SCIN: variants seen among roughly 807,000 people sequenced by gnomAD.
The protein encoded by SCIN is adseverin.
In SCIN, 91 loss-of-function variants were observed where a neutral mutation model predicts 91.8. The ratio of observed to expected loss-of-function variants is 0.99; its 90% CI spans 0.84 to 1.18. The LOEUF (loss-of-function observed/expected upper bound fraction) is 1.18. SCIN is among the 50% of genes most tolerant of loss of function. SCIN has a pLI of 0.00. For synonymous variants in SCIN, 367 were observed against 312.6 expected (o/e 1.17, Z -1.84); for missense variants, 1,087 against 863.9 (o/e 1.26, Z -3.24).
intron 3 of SCIN, among the ~76,000 whole-genome samples, chr7:12,603,090 C>T (rs964345758): frequency 5.3e-5 from 8 of 151,954 alleles, no homozygotes; most frequent in South Asian, 2.1e-4. Flanking sequence ...ATCCCATGTT[C>T]GAATATTTCT....
intron 3 of SCIN, among the ~76,000 whole-genome samples, chr7:12,597,942 A>G (rs1372005265): frequency 1.3e-5 from 2 of 152,210 alleles, no homozygotes; most frequent in African/African-American, 4.8e-5. Flanking sequence ...TTATTTATAA[A>G]TGGATAATTT....
chr7:12,604,368 A>G, intron 3 of SCIN, 146 bp from the exon 4 acceptor site: 1 of 610,858 alleles, frequency 1.6e-6, no homozygotes, highest in Non-Finnish European at 2.7e-6. Flanking sequence ...AGCAGGATGC[A>G]GAATGAAGTG....
At chr7:12,633,066 TC>T (rs1278371613) in intron 9 of SCIN, among the ~76,000 whole-genome samples, 62 of 152,156 alleles carry the variant, frequency 4.1e-4, no homozygotes, top group African/African-American at 1.5e-3. Flanking sequence ...AATAAGCAGT[TC>T]CGTTGAAGAC....
At chr7:12,640,304 CA>C (rs757238448) in intron 10 of SCIN, 42 bp from the exon 11 acceptor site, 1 of 1,446,976 alleles carries the variant, frequency 6.9e-7, no homozygotes, top group Non-Finnish European at 9.1e-7. Flanking sequence ...TCTTTCACAG[CA>C]CTCTTAATTA....
chr7:12,578,909 G>GTTTTTTTTTTTTTTTTTTTT lies in SCIN; in HGVS notation c.354+706_354+707insTTTTTTTTTTTTTTTTTTTT. 3.6e-4 allele frequency among the ~76,000 whole-genome samples: 31 copies of GTTTTTTTTTTTTTTTTTTTT among 85,882 alleles called. 3 individuals carry two copies. The highest frequency in any genetic ancestry group is 4.6e-4 in the African/African-American group (9 of 19,422). The allele number at this position is 85,882 out of a possible 152,430, so 56.3% of individuals were successfully genotyped here. On this transcript the variant is annotated intron_variant, in intron 2 of 15. Transcript: ENST00000297029. Reference sequence around the variant, plus strand: ...TAAGGCAGCCTTCAGTATAGGACAGGTTTTTTTTTTTTTTTGGCATCCTCC... The same window carrying GTTTTTTTTTTTTTTTTTTTT: ...TAAGGCAGCCTTCAGTATAGGACAGGTTTTTTTTTTTTTTTTTTTTTTTTTTTTTTTTTTTGGCATCCTCC...
chr7:12,612,908 A>G (rs994289491), intron 4 of SCIN, among the ~76,000 whole-genome samples: 6 of 152,344 alleles, frequency 3.9e-5, no homozygotes, highest in African/African-American at 1.2e-4. Context: ...CCTTACAGAC[A>G]AGGTACCACT....
intron 8 of SCIN, 44 bp downstream of exon 8, chr7:12,626,843 G>T (rs1328728484): frequency 3.4e-6 from 5 of 1,488,114 alleles, no homozygotes; most frequent in East Asian, 4.8e-5. Flanking sequence ...TAATGCCAGT[G>T]TATGTAGGGG....
chr7:12,576,246 A>G (rs1782369193), intron 1 of SCIN, among the ~76,000 whole-genome samples: 1 of 152,170 alleles, frequency 6.6e-6, no homozygotes, highest in Non-Finnish European at 1.5e-5. Flanking sequence ...CAGAAGAATG[A>G]CACCAGAGTC....
rs1782247696 is a variant in SCIN at position 12,570,761 on chromosome 7, C to G, written c.-26C>G. 1.3e-6 allele frequency: 2 copies of G among 1,544,850 alleles called. No individual in the cohort carries two copies. Among genetic ancestry groups the G allele is most frequent in the Non-Finnish European group, 1.7e-6 (2 of 1,143,580 alleles). ...GTCCAAGATCAGCGATATCACGCGT[C>G]CCCCGGAGCATCGCGTGCAGGAGCC... On this transcript the variant is annotated 5_prime_UTR_variant, in exon 1 of 16. Coordinates refer to ENST00000297029, the MANE Select transcript of SCIN (RefSeq NM_001112706.3).
In SCIN at chr7:12,570,808, G is replaced by T. The variant is rs1048046008; in HGVS notation, c.22G>T (p.Glu8Ter). Residue 8 changes from glutamate (E) to a stop codon, truncating the protein, a stop_gained, in exon 1 of 16, where the codon GAA becomes TAA. Coordinates refer to ENST00000297029, the MANE Select transcript of SCIN (RefSeq NM_001112706.3). LOFTEE classifies it high-confidence loss of function. MARELYH[E>*]EFARAGKQAG... ...AGCCATGGCGCGGGAGCTATACCACGAAGAGTTCGCCCGGGCGGGCAAGCA... is the reference window on the plus strand; with the variant it reads ...AGCCATGGCGCGGGAGCTATACCACTAAGAGTTCGCCCGGGCGGGCAAGCA... 1 of 1,551,386 alleles carries T rather than the reference G, an allele frequency of 6.4e-7. No individual in the cohort carries two copies. Among genetic ancestry groups the T allele is most frequent in the Non-Finnish European group, 8.7e-7 (1 of 1,146,916 alleles).
chr7:12,644,347 G>A (rs1463571102), intron 12 of SCIN, 32 bp downstream of exon 12: 3 of 1,549,072 alleles, frequency 1.9e-6, no homozygotes, highest in South Asian at 2.4e-5. Context: ...GCACTAACTA[G>A]AATTTATACT....
chr7:12,626,424 A>G, intron 7 of SCIN, 160 bp from the exon 8 acceptor site: 1 of 585,408 alleles, frequency 1.7e-6, no homozygotes, highest in Non-Finnish European at 3.0e-6. Flanking sequence ...TTCAGCGGCA[A>G]TTACTTTAGT....
intron 4 of SCIN, among the ~76,000 whole-genome samples, chr7:12,607,668 C>G (rs1208250419): frequency 6.6e-6 from 1 of 152,148 alleles, no homozygotes; most frequent in Admixed American, 6.5e-5. Context: ...TTTTATTTGA[C>G]TGCTTTCACT....
intron 11 of SCIN, among the ~76,000 whole-genome samples, chr7:12,641,750 C>T (rs1306461028): frequency 6.6e-6 from 1 of 152,104 alleles, no homozygotes; most frequent in African/African-American, 2.4e-5. Context: ...GGCAATTCTC[C>T]AGGCCTATAG....
intron 1 of SCIN, among the ~76,000 whole-genome samples, chr7:12,575,925 C>G (rs143164110): frequency 6.6e-6 from 1 of 152,150 alleles, no homozygotes; most frequent in African/African-American, 2.4e-5. Flanking sequence ...ATTCAGGCAT[C>G]CTGTTTTATT....
Position 12,640,455 on chromosome 7 carries a change from G to A in SCIN, c.1519G>A (p.Ala507Thr), listed in dbSNP as rs769022811. Residue 507 changes from alanine (A) to threonine (T), a missense_variant, in exon 11 of 16, where the codon GCT (alanine) becomes ACT (threonine). By Grantham distance (58) the Ala-to-Thr change is moderately conservative (BLOSUM62 0). Transcript: ENST00000297029. ...ATCAAAGAAAGGAGGTCAGGCACCTGCTCCCCCTACACGCCTCTTTCAAGT... is the reference window on the plus strand; with the variant it reads ...ATCAAAGAAAGGAGGTCAGGCACCTACTCCCCCTACACGCCTCTTTCAAGT... ...GTSKKGGQAPAPPTRLFQVRR... is the reference protein window; with the variant it reads ...GTSKKGGQAPTPPTRLFQVRR... 5.6e-6 allele frequency: 9 copies of A among 1,613,090 alleles called. No homozygotes were observed. Among genetic ancestry groups the A allele is most frequent in the Non-Finnish European group, 6.8e-6 (8 of 1,179,548 alleles).
At chr7:12,602,064 G>C (rs560807874) in intron 3 of SCIN, among the ~76,000 whole-genome samples, 3 of 152,232 alleles carry the variant, frequency 2.0e-5, no homozygotes, top group Admixed American at 6.5e-5. Context: ...GGCGGAACCC[G>C]CTCCCAATGT....
At chr7:12,621,110 T>C (rs1475089217) in intron 4 of SCIN, among the ~76,000 whole-genome samples, 1 of 152,190 alleles carries the variant, frequency 6.6e-6, no homozygotes, top group East Asian at 1.9e-4. Flanking sequence ...ATGGCCTAGT[T>C]GATAAAGTGA....
chr7:12,596,544 C>A (rs6960675), intron 3 of SCIN: 121 of 433,396 alleles, frequency 2.8e-4, no homozygotes, highest in African/African-American at 2.2e-3. Flanking sequence ...TGGGGGAGGG[C>A]CCTCTCCTGC....
Sources: gnomAD v4.1 joint callset for allele counts (sites outside exome capture counted in the v4.1 genomes callset) on GRCh38, gnomAD v4.1.1 for gene constraint, MANE v1.5 for transcripts, NCBI Gene and HGNC (gene_info 2026-07-23, HGNC 2026-07-21) for gene names.